LMBR1: variants seen among roughly 807,000 people sequenced by gnomAD.
The protein encoded by LMBR1 is limb region 1 protein homolog.
A neutral mutation model predicts 73.9 loss-of-function variants in LMBR1; 52 were observed. That is an observed-to-expected ratio of 0.70 (90% CI 0.56 to 0.89). The LOEUF (loss-of-function observed/expected upper bound fraction) is 0.89, where lower values mean the gene tolerates loss of function less well. Among genes scored for constraint, LMBR1 ranks in the 40% least tolerant of loss-of-function variants. The probability of loss-of-function intolerance (pLI) is 0.00; values close to 1 mark genes in which losing one functional copy is unlikely to be tolerated. For synonymous variants in LMBR1, 215 were observed against 209.4 expected (o/e 1.03, Z -0.23); for missense variants, 539 against 579.8 (o/e 0.93, Z 0.72).
intron 1 of LMBR1, among the ~76,000 whole-genome samples, chr7:156,853,875 C>T (rs1458723237): frequency 7.9e-5 from 12 of 151,578 alleles, no homozygotes; most frequent in Non-Finnish European, 1.5e-4. Context: ...AGGCTGGTCC[C>T]GAACTCCTAC....
chr7:156,870,642 G>A (rs1799137339), intron 1 of LMBR1, among the ~76,000 whole-genome samples: 1 of 151,910 alleles, frequency 6.6e-6, no homozygotes, highest in Admixed American at 6.6e-5. Flanking sequence ...GCAGGCGCCT[G>A]TAATCCCAGC....
intron 9 of LMBR1, among the ~76,000 whole-genome samples, chr7:156,740,261 C>A (rs763235323): frequency 6.6e-6 from 1 of 151,714 alleles, no homozygotes; most frequent in South Asian, 2.1e-4. Context: ...TAGAAAATAG[C>A]CTAAAAGGAG....
At chr7:156,676,686 G>A (rs765014092), downstream of LMBR1, 2 of 1,561,098 alleles carry the variant, frequency 1.3e-6, no homozygotes, top group South Asian at 1.1e-5. Flanking sequence ...AGGTAATTCT[G>A]AGGAAAAAAG....
Position 156,683,904 on chromosome 7 carries a change from A to G in LMBR1, c.*174T>C, listed in dbSNP as rs1306318969. 1.6e-5 allele frequency: 10 copies of G among 611,938 alleles called. No individual in the cohort carries two copies. The highest frequency in any genetic ancestry group is 2.9e-5 in the Non-Finnish European group (10 of 345,878). The allele number at this position is 611,938 out of a possible 1,614,324, so 37.9% of individuals were successfully genotyped here. On this transcript the variant is annotated 3_prime_UTR_variant, in exon 17 of 17. Transcript: ENST00000353442. ...AGGGTCCATCAGAAAGTTAAATTTAAAAAAGATCAGCCATAGCCAAGTTCT... is the reference window on the plus strand; with the variant it reads ...AGGGTCCATCAGAAAGTTAAATTTAGAAAAGATCAGCCATAGCCAAGTTCT...
At chr7:156,859,622 A>T (rs1182588196) in intron 1 of LMBR1, among the ~76,000 whole-genome samples, 1 of 152,166 alleles carries the variant, frequency 6.6e-6, no homozygotes, top group Non-Finnish European at 1.5e-5. Flanking sequence ...AATTACTTGG[A>T]TATAAAACTA....
At chr7:156,751,320 G>C (rs180725452) in intron 9 of LMBR1, among the ~76,000 whole-genome samples, 3 of 152,148 alleles carry the variant, frequency 2.0e-5, no homozygotes, top group African/African-American at 4.8e-5. Context: ...CTCCACGAAA[G>C]GGTATTTAGG....
chr7:156,806,054 G>C (rs1296385761), intron 4 of LMBR1, among the ~76,000 whole-genome samples: 1 of 152,090 alleles, frequency 6.6e-6, no homozygotes, highest in East Asian at 1.9e-4. Flanking sequence ...TATTTGTTTT[G>C]TATTGTAAGC....
At chr7:156,686,370 G>GA (rs35806957) in intron 16 of LMBR1, among the ~76,000 whole-genome samples, 9,767 of 151,424 alleles carry the variant, frequency 0.065, 464 homozygotes, top group Middle Eastern at 0.13. Context: ...TAGCAGAGGG[G>GA]AAAAAATCTC....
In LMBR1 at chr7:156,688,131, T is replaced by C. The variant is rs752383962; in HGVS notation, c.1286A>G (p.Tyr429Cys). 5 of 1,611,054 alleles carry C rather than the reference T, an allele frequency of 3.1e-6. No individual in the cohort carries two copies. The highest frequency in any genetic ancestry group is 1.3e-5 in the African/African-American group (1 of 74,866). Residue 429 changes from tyrosine (Y) to cysteine (C), a missense_variant, in exon 16 of 17, where the codon TAT becomes TGT. Tyr to Cys is a radical substitution (Grantham distance 194, BLOSUM62 -2). This residue lies in a region of LMBR1 where 69 missense variants were observed against 68.5 expected (regional missense o/e 1.01). Transcript: ENST00000353442. ...FGRFNWLGNF[Y>C]IVLSYNLLFA... Reference sequence around the variant, plus strand: ...AAGCAAATTGTAGGATAATACAATATAGAAATTTCCCAGCCAATTAAACCT... The same window carrying C: ...AAGCAAATTGTAGGATAATACAATACAGAAATTTCCCAGCCAATTAAACCT...
intron 1 of LMBR1, among the ~76,000 whole-genome samples, chr7:156,839,221 G>T (rs1290715536): frequency 2.0e-5 from 3 of 151,532 alleles, no homozygotes; most frequent in Admixed American, 2.0e-4. Context: ...GGCTAATTTT[G>T]TATTTTTAGT....
At position 156,678,881 on chromosome 7, in the gene LMBR1, C is replaced by T. The variant is rs1804529926; in HGVS notation, c.*5197G>A. 1 of 152,172 alleles carries T rather than the reference C, an allele frequency of 6.6e-6. No homozygotes were observed. The allele number at this position is 152,172 out of a possible 1,614,324, so 9.4% of individuals were successfully genotyped here. ...CCATGGGCGGGGGGAATCATTAAATCACTATCAAGTCCAGAAAGAGAATTC... is the reference window on the plus strand; with the variant it reads ...CCATGGGCGGGGGGAATCATTAAATTACTATCAAGTCCAGAAAGAGAATTC... On this transcript the variant is annotated 3_prime_UTR_variant, in exon 17 of 17. Coordinates refer to ENST00000353442, the MANE Select transcript of LMBR1 (RefSeq NM_022458.4).
intron 9 of LMBR1, among the ~76,000 whole-genome samples, chr7:156,734,947 A>G (rs551025902): frequency 1.3e-5 from 2 of 152,274 alleles, no homozygotes; most frequent in South Asian, 4.1e-4. Flanking sequence ...TTACTTTACC[A>G]TTTGCTTTCC....
chr7:156,762,466 CT>C (rs1428715695), intron 7 of LMBR1, among the ~76,000 whole-genome samples: 1 of 152,062 alleles, frequency 6.6e-6, no homozygotes, highest in East Asian at 1.9e-4. Flanking sequence ...ATTCAAGATT[CT>C]AGCAGTTGAA....
chr7:156,715,556 T>C (rs961215087), intron 15 of LMBR1, among the ~76,000 whole-genome samples: 15 of 152,202 alleles, frequency 9.9e-5, no homozygotes, highest in African/African-American at 3.6e-4. Context: ...ATAGGAAGTA[T>C]ATTCGCCATT....
At chr7:156,744,482 T>C (rs186212051) in intron 9 of LMBR1, among the ~76,000 whole-genome samples, 2 of 152,282 alleles carry the variant, frequency 1.3e-5, no homozygotes, top group Admixed American at 6.5e-5. Flanking sequence ...AGCTCATTGA[T>C]ATTTTCTTCT....
chr7:156,801,385 G>T (rs545639777), intron 4 of LMBR1, among the ~76,000 whole-genome samples: 1 of 152,262 alleles, frequency 6.6e-6, no homozygotes, highest in African/African-American at 2.4e-5. Flanking sequence ...CTTAATAAAT[G>T]GCATTATAGT....
At chr7:156,875,769 A>G (rs1218012170) in intron 1 of LMBR1, among the ~76,000 whole-genome samples, 1 of 152,216 alleles carries the variant, frequency 6.6e-6, no homozygotes, top group Non-Finnish European at 1.5e-5. Context: ...AAATGCTGAG[A>G]GAATTTGCCA....
intron 3 of LMBR1, among the ~76,000 whole-genome samples, chr7:156,830,353 TA>T (rs1303025123): frequency 1.2e-4 from 18 of 152,184 alleles, no homozygotes; most frequent in Non-Finnish European, 2.2e-4. Context: ...TTTTTTAAAT[TA>T]AAAAAACTAA....
At chr7:156,762,402 T>C (rs917359256) in intron 7 of LMBR1, among the ~76,000 whole-genome samples, 5 of 152,216 alleles carry the variant, frequency 3.3e-5, no homozygotes, top group African/African-American at 1.2e-4. Context: ...GTGAGCAGGA[T>C]AGGTGTAATT....
Sources: allele counts gnomAD v4.1 joint callset (sites outside exome capture counted in the v4.1 genomes callset), GRCh38; gene constraint gnomAD v4.1.1; regional missense constraint gnomAD v4.1.1; transcripts MANE v1.5; gene names NCBI Gene and HGNC (gene_info 2026-07-23, HGNC 2026-07-21).